Variants in MAD1L1 observed in about 807,000 individuals in gnomAD.
MAD1L1 encodes the protein mitotic spindle assembly checkpoint protein MAD1.
Under a neutral mutation model 96.9 loss-of-function variants are expected in MAD1L1, and 95 were observed. The observed-to-expected ratio is 0.98, with a 90% CI of 0.83 to 1.16. The LOEUF is 1.16. Among genes scored for constraint, MAD1L1 ranks in the 50% most tolerant of loss-of-function variants. The pLI is 0.00. For missense variants in MAD1L1, 1,007 were observed against 954.4 expected (o/e 1.06, Z -0.73); for synonymous variants, 473 against 396.6 (o/e 1.19, Z -2.29).
chr7:1,851,166 C>G (rs1362312930), intron 18 of MAD1L1, among the ~76,000 whole-genome samples: 5 of 152,202 alleles, frequency 3.3e-5, no homozygotes. Context: ...GGCGGCAACC[C>G]TGTGGGGTGA....
chr7:1,922,622 T>C (rs58924006), intron 17 of MAD1L1, among the ~76,000 whole-genome samples: 7,773 of 152,294 alleles, frequency 0.051, 288 homozygotes, highest in Admixed American at 0.1. Context: ...TTCCAGTCCG[T>C]GTGCCTTCGA....
intron 18 of MAD1L1, among the ~76,000 whole-genome samples, chr7:1,833,103 T>G (rs951650508): frequency 1.3e-5 from 2 of 152,206 alleles, no homozygotes; most frequent in African/African-American, 4.8e-5. Context: ...ATTTTTAAAA[T>G]CAGAACATGT....
intron 12 of MAD1L1, among the ~76,000 whole-genome samples, chr7:2,016,081 T>C (rs768885816): frequency 1.3e-5 from 2 of 152,078 alleles, no homozygotes; most frequent in African/African-American, 2.4e-5. Context: ...AGATGGGAAA[T>C]GGGGTGGCCA....
At chr7:2,102,435 TCACCACCACTGCTACTGTCACCACTCAC>T (rs1271433183) in intron 11 of MAD1L1, among the ~76,000 whole-genome samples, 5 of 78,342 alleles carry the variant, frequency 6.4e-5, no homozygotes, top group African/African-American at 1.7e-4. Flanking sequence ...ACTGTCACCC[TCACCACCACTGCTACTGTCACCACTCAC>T]CACCACTGCT....
intron 4 of MAD1L1, among the ~76,000 whole-genome samples, chr7:2,224,379 G>A (rs913427406): frequency 6.6e-6 from 1 of 152,106 alleles, no homozygotes; most frequent in Non-Finnish European, 1.5e-5. Context: ...CAGGCCATGA[G>A]CAAACGCCCC....
chr7:2,004,573 C>A (rs1781947525), intron 13 of MAD1L1, among the ~76,000 whole-genome samples: 1 of 152,246 alleles, frequency 6.6e-6, no homozygotes, highest in African/African-American at 2.4e-5. Context: ...CCTGTGCCTC[C>A]CGACACAGAA....
chr7:2,036,240 T>C (rs1266932460), intron 12 of MAD1L1, among the ~76,000 whole-genome samples: 2 of 30,258 alleles, frequency 6.6e-5, no homozygotes, highest in African/African-American at 3.2e-4. Flanking sequence ...CTCCCAGGCA[T>C]GAGCGCGGGA....
intron 11 of MAD1L1, among the ~76,000 whole-genome samples, chr7:2,100,630 T>A (rs1023635239): frequency 6.6e-6 from 1 of 152,174 alleles, no homozygotes; most frequent in African/African-American, 2.4e-5. Flanking sequence ...CCGGAAGGCG[T>A]CCTTGGAAAC....
intron 12 of MAD1L1, among the ~76,000 whole-genome samples, chr7:2,020,519 C>G (rs912245060): frequency 2.0e-5 from 3 of 152,224 alleles, no homozygotes; most frequent in Non-Finnish European, 4.4e-5. Context: ...TGGGAACAAG[C>G]TAGAGCAGAA....
intron 14 of MAD1L1, among the ~76,000 whole-genome samples, chr7:1,983,131 GACGCGCGCGCGCGCGCGCGCGCGCACA>G (rs1780989676): frequency 4.0e-5 from 1 of 24,900 alleles, no homozygotes; most frequent in Non-Finnish European, 1.4e-4. Context: ...CACACCCACA[GACGCGCGCGCGCGCGCGCGCGCGCACA>G]CACACACACA....
intron 16 of MAD1L1, among the ~76,000 whole-genome samples, chr7:1,943,629 G>C (rs1351149666): frequency 6.6e-6 from 1 of 152,114 alleles, no homozygotes. Context: ...GGTGAGGATG[G>C]GGATAAACTG....
At chr7:2,161,013 G>A (rs1790083042) in intron 10 of MAD1L1, among the ~76,000 whole-genome samples, 2 of 150,222 alleles carry the variant, frequency 1.3e-5, no homozygotes, top group South Asian at 4.2e-4. Flanking sequence ...GCTCAGCTAT[G>A]CATAACAATG....
chr7:1,885,548 A>G (rs1251478397), intron 18 of MAD1L1, among the ~76,000 whole-genome samples: 1 of 152,104 alleles, frequency 6.6e-6, no homozygotes, highest in Non-Finnish European at 1.5e-5. Flanking sequence ...TGACACGTGG[A>G]GCTGTCCCAC....
intron 14 of MAD1L1, 21 bp downstream of exon 14, chr7:2,002,044 C>A: frequency 6.2e-7 from 1 of 1,612,706 alleles, no homozygotes; most frequent in Non-Finnish European, 8.5e-7. Context: ...TGAATCCCAG[C>A]CACTCCCGCG....
intron 18 of MAD1L1, among the ~76,000 whole-genome samples, chr7:1,874,335 C>T (rs1325264088): frequency 1.3e-5 from 2 of 152,024 alleles, no homozygotes; most frequent in South Asian, 2.1e-4. Context: ...AGGGGGTGAC[C>T]GTGGCTTGGG....
intron 15 of MAD1L1, among the ~76,000 whole-genome samples, chr7:1,969,817 C>G (rs980820510): frequency 3.9e-5 from 6 of 152,198 alleles, no homozygotes; most frequent in African/African-American, 1.4e-4. Flanking sequence ...CCCAAGGAGG[C>G]ATAAGATTTG....
chr7:2,131,347 C>A (rs927846575), intron 11 of MAD1L1, among the ~76,000 whole-genome samples: 4 of 152,184 alleles, frequency 2.6e-5, no homozygotes, highest in Non-Finnish European at 4.4e-5. Context: ...TTAAAAATGG[C>A]TTACGCACCA....
At chr7:2,162,029 G>A (rs868475238) in intron 10 of MAD1L1, among the ~76,000 whole-genome samples, 6 of 151,126 alleles carry the variant, frequency 4.0e-5, no homozygotes, top group African/African-American at 1.5e-4. Flanking sequence ...CATCCACCCG[G>A]CCGCCCCGTC....
At chr7:1,816,352 G>C in intron 18 of MAD1L1, 124 bp from the exon 19 acceptor site, 1 of 892,822 alleles carries the variant, frequency 1.1e-6, no homozygotes, top group Admixed American at 2.4e-5. Flanking sequence ...CCTGGACAGG[G>C]GTAGATGCGT....
Sources: allele counts gnomAD v4.1 joint callset (sites outside exome capture counted in the v4.1 genomes callset), GRCh38; gene constraint gnomAD v4.1.1; transcripts MANE v1.5; gene names NCBI Gene and HGNC (gene_info 2026-07-23, HGNC 2026-07-21).